DSCAML1: variants seen among roughly 807,000 people sequenced by gnomAD.
DSCAML1 encodes the protein cell adhesion molecule DSCAML1.
Under a neutral mutation model 200.5 loss-of-function variants are expected in DSCAML1, and 38 were observed. The observed-to-expected ratio is 0.19, with a 90% CI of 0.15 to 0.25. The LOEUF is 0.25. Among genes scored for constraint, DSCAML1 ranks in the 10% least tolerant of loss-of-function variants. DSCAML1 has a pLI of 1.00. For missense variants in DSCAML1, 2,223 were observed against 2,858.8 expected (o/e 0.78, Z 5.07); for synonymous variants, 1,215 against 1,165.0 (o/e 1.04, Z -0.87).
chr11:117,530,896 G>A (rs756325472), intron 4 of DSCAML1, among the ~76,000 whole-genome samples: 11 of 152,118 alleles, frequency 7.2e-5, no homozygotes, highest in South Asian at 2.1e-4. Context: ...GTTCATCCCC[G>A]TTCCAAAAAC....
rs2054287794 is a variant in DSCAML1, at chr11:117,734,698, T to C, written c.511+42093A>G. Reference sequence around the variant, plus strand: ...TGTAAGCTCCAGAGGGGGCAGGGACTATGCCTGTTTTGTTCCCCAGCCATA... The same window carrying C: ...TGTAAGCTCCAGAGGGGGCAGGGACCATGCCTGTTTTGTTCCCCAGCCATA... On this transcript the variant is annotated intron_variant, in intron 3 of 32. Coordinates refer to ENST00000651296, the MANE Select transcript of DSCAML1 (RefSeq NM_020693.4). Among the ~76,000 whole-genome samples the C allele has an allele frequency of 2.0e-5, 3 of 152,232 alleles. No individual in the cohort carries two copies. In the South Asian group the frequency reaches 6.2e-4, roughly 32 times the overall value.
intron 3 of DSCAML1, among the ~76,000 whole-genome samples, chr11:117,688,822 C>T (rs2053450600): frequency 6.6e-6 from 1 of 152,252 alleles, no homozygotes; most frequent in African/African-American, 2.4e-5. Context: ...CCGAGTTACA[C>T]AAATAGTCTT....
At chr11:117,442,624 T>C (rs1435625112) in intron 21 of DSCAML1, among the ~76,000 whole-genome samples, 2 of 152,118 alleles carry the variant, frequency 1.3e-5, no homozygotes, top group Non-Finnish European at 2.9e-5. Flanking sequence ...CACAGCTCTC[T>C]AGGACCGTGT....
At position 117,498,801 on chromosome 11, in the gene DSCAML1, C is replaced by T. The variant is rs1051109683; in HGVS notation, c.2359+5044G>A. ...GTGGCTGCGCAGCTGGGTGTGTGCT[C>T]GCTGAGGGCACTGGGACCTTATTTT... is the stretch of plus-strand genomic sequence containing the variant. On this transcript the variant is annotated intron_variant, in intron 11 of 32. Coordinates refer to ENST00000651296, the MANE Select transcript of DSCAML1 (RefSeq NM_020693.4). This position sits in a 1 kb window ranked among gnomAD's most constrained non-coding sequence, Gnocchi z 4.0. 9.9e-5 allele frequency among the ~76,000 whole-genome samples: 15 copies of T among 152,112 alleles called. No homozygotes were observed. Among genetic ancestry groups the T allele is most frequent in the Non-Finnish European group, 1.8e-4 (12 of 68,036 alleles).
In DSCAML1 at chr11:117,796,528, G is replaced by A. The variant is rs533513857; in HGVS notation, c.46+506C>T. 3.8e-4 allele frequency among the ~76,000 whole-genome samples: 58 copies of A among 152,380 alleles called. No homozygotes were observed. In the South Asian group the frequency reaches 0.011, roughly 29 times the overall value. ...CAGCCAATGCGCGGATAAGCGCCATGCGGTGCGCCAACATTCGCGCCAGGG... is the reference window on the plus strand; with the variant it reads ...CAGCCAATGCGCGGATAAGCGCCATACGGTGCGCCAACATTCGCGCCAGGG... On this transcript the variant is annotated intron_variant, in intron 1 of 32. Transcript: ENST00000651296.
intron 3 of DSCAML1, among the ~76,000 whole-genome samples, chr11:117,590,218 T>C (rs978611890): frequency 2.6e-5 from 4 of 152,126 alleles, no homozygotes; most frequent in African/African-American, 9.7e-5. Context: ...TAAAAGAGCC[T>C]TGCTCTGTTG....
chr11:117,443,813 T>C, intron 21 of DSCAML1, 73 bp downstream of exon 21: 2 of 1,512,622 alleles, frequency 1.3e-6, no homozygotes, highest in Non-Finnish European at 8.8e-7. Flanking sequence ...AGACCCTGTC[T>C]GGGGAGAACC....
chr11:117,749,194 G>C (rs2054563330), intron 3 of DSCAML1, among the ~76,000 whole-genome samples: 1 of 152,224 alleles, frequency 6.6e-6, no homozygotes, highest in African/African-American at 2.4e-5. Context: ...AACCAGGCCA[G>C]ACGGGGCTTG....
chr11:117,526,578 G>T (rs2049982632), intron 4 of DSCAML1, among the ~76,000 whole-genome samples: 1 of 152,046 alleles, frequency 6.6e-6, no homozygotes, highest in South Asian at 2.1e-4. Flanking sequence ...GAGTGCAGTG[G>T]TGTGATCTTG....
intron 4 of DSCAML1, 107 bp from the exon 5 acceptor site, chr11:117,525,190 C>T (rs2049955695): frequency 1.5e-6 from 2 of 1,349,316 alleles, no homozygotes; most frequent in South Asian, 1.5e-5. Context: ...CCCACTGGCG[C>T]CCACAGCGAG....
chr11:117,522,262 C>A (rs897049044), intron 5 of DSCAML1, among the ~76,000 whole-genome samples: 5 of 152,234 alleles, frequency 3.3e-5, no homozygotes, highest in Non-Finnish European at 5.9e-5. Flanking sequence ...AGGATCCCTC[C>A]TCTAGCCCCG....
intron 11 of DSCAML1, among the ~76,000 whole-genome samples, chr11:117,494,885 C>A (rs1168522387): frequency 6.6e-6 from 1 of 152,182 alleles, no homozygotes; most frequent in Non-Finnish European, 1.5e-5. Flanking sequence ...CTGCTGGCAA[C>A]CACCAGAAGA....
chr11:117,657,568 A>G (rs1218360609), intron 3 of DSCAML1, among the ~76,000 whole-genome samples: 1 of 152,178 alleles, frequency 6.6e-6, no homozygotes, highest in Admixed American at 6.5e-5. Flanking sequence ...CGTGTCAGTG[A>G]CTATCTAATC....
intron 3 of DSCAML1, among the ~76,000 whole-genome samples, chr11:117,652,391 G>A (rs1239165856): frequency 6.6e-6 from 1 of 152,236 alleles, no homozygotes; most frequent in Admixed American, 6.5e-5. Context: ...TCCAAGACTA[G>A]AGGGCGGCGT....
intron 3 of DSCAML1, among the ~76,000 whole-genome samples, chr11:117,669,188 A>G (rs2053047628): frequency 6.6e-6 from 1 of 152,238 alleles, no homozygotes; most frequent in South Asian, 2.1e-4. Flanking sequence ...TAAAAGGAGA[A>G]AGCCAAAGGG....
chr11:117,813,056 C>CT (rs1233557937), intron 1 of DSCAML1, among the ~76,000 whole-genome samples: 2 of 152,092 alleles, frequency 1.3e-5, no homozygotes, highest in Admixed American at 6.5e-5. Flanking sequence ...ACAGACCAGC[C>CT]TTTATTAGTC....
At chr11:117,688,993 C>A (rs550444436) in intron 3 of DSCAML1, among the ~76,000 whole-genome samples, 1 of 152,280 alleles carries the variant, frequency 6.6e-6, no homozygotes, top group South Asian at 2.1e-4. Context: ...GGTCTCGGAG[C>A]AACAGAGACC....
At chr11:117,792,306 C>A (rs1430685878) in intron 1 of DSCAML1, among the ~76,000 whole-genome samples, 1 of 152,150 alleles carries the variant, frequency 6.6e-6, no homozygotes. Context: ...TAGTAGTATC[C>A]TCTCAGGGCC....
At chr11:117,646,579 A>G (rs896780986) in intron 3 of DSCAML1, among the ~76,000 whole-genome samples, 1 of 152,216 alleles carries the variant, frequency 6.6e-6, no homozygotes, top group African/African-American at 2.4e-5. Context: ...CAAAGTGTTA[A>G]CAGATTAATG....
Sources: allele counts gnomAD v4.1 joint callset (sites outside exome capture counted in the v4.1 genomes callset), GRCh38; gene constraint gnomAD v4.1.1; non-coding constraint Gnocchi (gnomAD v3.1); transcripts MANE v1.5; gene names NCBI Gene and HGNC (gene_info 2026-07-23, HGNC 2026-07-21).